Variants in TMEM132D observed in about 807,000 individuals in gnomAD.
The protein encoded by TMEM132D is transmembrane protein 132D.
A neutral mutation model predicts 62.3 loss-of-function variants in TMEM132D; 21 were observed. The observed-to-expected ratio is 0.34, with a 90% CI of 0.24 to 0.49. The LOEUF is 0.49. Among genes scored for constraint, TMEM132D ranks in the 20% least tolerant of loss-of-function variants. The pLI is 0.99. For synonymous variants in TMEM132D, 621 were observed against 575.6 expected (o/e 1.08, Z -1.13); for missense variants, 1,346 against 1,402.8 (o/e 0.96, Z 0.65).
At chr12:129,328,096 G>A (rs1868977360) in intron 4 of TMEM132D, among the ~76,000 whole-genome samples, 1 of 152,180 alleles carries the variant, frequency 6.6e-6, no homozygotes, top group Non-Finnish European at 1.5e-5. Context: ...GGCCCTTCCT[G>A]GAGCAATGTC....
At chr12:129,607,423 A>G (rs906029336) in intron 2 of TMEM132D, among the ~76,000 whole-genome samples, 1 of 152,220 alleles carries the variant, frequency 6.6e-6, no homozygotes, top group East Asian at 1.9e-4. Flanking sequence ...TCCCACGGTC[A>G]GGGCTGACCA....
intron 4 of TMEM132D, among the ~76,000 whole-genome samples, chr12:129,241,431 CTT>C (rs1879934883): frequency 6.6e-6 from 1 of 152,162 alleles, no homozygotes; most frequent in South Asian, 2.1e-4. Flanking sequence ...TCTTTGCTCT[CTT>C]CTTTGGCCCC....
chr12:129,509,486 T>C (rs1215255928), intron 3 of TMEM132D, among the ~76,000 whole-genome samples: 2 of 152,280 alleles, frequency 1.3e-5, no homozygotes, highest in African/African-American at 2.4e-5. Flanking sequence ...AATCCAATTA[T>C]ATTCTTTTAG....
chr12:129,548,246 A>T (rs1009640574), intron 2 of TMEM132D, among the ~76,000 whole-genome samples: 16 of 152,064 alleles, frequency 1.1e-4, no homozygotes, highest in African/African-American at 3.9e-4. Flanking sequence ...GGCAGGGGAG[A>T]CACCTCCTTC....
chr12:129,870,858 G>T (rs899945934), intron 1 of TMEM132D, among the ~76,000 whole-genome samples: 2 of 152,080 alleles, frequency 1.3e-5, no homozygotes, highest in Non-Finnish European at 2.9e-5. Flanking sequence ...TGGAGTGAAG[G>T]AAGTCTTGTT....
At chr12:129,843,161 C>T (rs889573577) in intron 1 of TMEM132D, among the ~76,000 whole-genome samples, 2 of 152,034 alleles carry the variant, frequency 1.3e-5, no homozygotes, top group Non-Finnish European at 2.9e-5. Context: ...TTTCAATATA[C>T]TTGCCCATAG....
intron 1 of TMEM132D, among the ~76,000 whole-genome samples, chr12:129,766,363 T>C (rs543042562): frequency 8.5e-5 from 13 of 152,356 alleles, no homozygotes; most frequent in African/African-American, 2.4e-4. Flanking sequence ...CCTGTGTTCT[T>C]TGAAATTTTG....
intron 1 of TMEM132D, among the ~76,000 whole-genome samples, chr12:129,790,613 C>T (rs1329575276): frequency 2.0e-5 from 3 of 152,114 alleles, no homozygotes; most frequent in East Asian, 1.9e-4. Context: ...GGGGTTTTTA[C>T]GGCACAGGAT....
At chr12:129,584,852 G>A (rs984344027) in intron 2 of TMEM132D, among the ~76,000 whole-genome samples, 1 of 152,170 alleles carries the variant, frequency 6.6e-6, no homozygotes, top group African/African-American at 2.4e-5. Flanking sequence ...CTCCACATGT[G>A]TTCATATGCT....
At chr12:129,443,422 C>G (rs996238379) in intron 3 of TMEM132D, among the ~76,000 whole-genome samples, 1 of 152,164 alleles carries the variant, frequency 6.6e-6, no homozygotes, top group Non-Finnish European at 1.5e-5. Flanking sequence ...ACACTCTGAT[C>G]TGATGATAAA....
chr12:129,432,140 TG>T (rs1199122131), intron 3 of TMEM132D, among the ~76,000 whole-genome samples: 5 of 145,932 alleles, frequency 3.4e-5, no homozygotes, highest in Non-Finnish European at 7.5e-5. Flanking sequence ...GATGGATGGA[TG>T]GATGGATGGA....
chr12:129,438,741 C>T (rs914185871), intron 3 of TMEM132D, among the ~76,000 whole-genome samples: 5 of 152,144 alleles, frequency 3.3e-5, no homozygotes, highest in South Asian at 4.1e-4. Context: ...CTGCATATTA[C>T]GGCTTTTGTG....
intron 1 of TMEM132D, among the ~76,000 whole-genome samples, chr12:129,873,268 C>A (rs772335855): frequency 1.3e-5 from 2 of 151,962 alleles, no homozygotes; most frequent in Non-Finnish European, 2.9e-5. Context: ...GAAGAGGGGG[C>A]CTCCGAACAG....
intron 2 of TMEM132D, among the ~76,000 whole-genome samples, chr12:129,667,626 T>C (rs1211965737): frequency 6.6e-6 from 1 of 152,148 alleles, no homozygotes; most frequent in Non-Finnish European, 1.5e-5. Context: ...ATAAATTATG[T>C]CTCTTTCTAA....
At chr12:129,310,455 C>T (rs950666561) in intron 4 of TMEM132D, among the ~76,000 whole-genome samples, 12 of 152,142 alleles carry the variant, frequency 7.9e-5, no homozygotes, top group Non-Finnish European at 2.9e-5. Flanking sequence ...AGGCCCAGCC[C>T]AAGGGGACCT....
intron 3 of TMEM132D, among the ~76,000 whole-genome samples, chr12:129,440,901 C>A (rs1273030489): frequency 6.6e-6 from 1 of 152,174 alleles, no homozygotes; most frequent in African/African-American, 2.4e-5. Context: ...TAAAAATAAC[C>A]ATGGAAACAT....
At chr12:129,091,570 G>A (rs1874918688) in intron 5 of TMEM132D, among the ~76,000 whole-genome samples, 1 of 151,486 alleles carries the variant, frequency 6.6e-6, no homozygotes, top group Non-Finnish European at 1.5e-5. Flanking sequence ...CAGCTCTGGA[G>A]AGCTTACCTA....
intron 1 of TMEM132D, among the ~76,000 whole-genome samples, chr12:129,741,485 G>A (rs1381318007): frequency 6.6e-6 from 1 of 152,130 alleles, no homozygotes; most frequent in Non-Finnish European, 1.5e-5. Context: ...GGAGTAGCAG[G>A]AAAATAACAG....
At chr12:129,637,789 C>T (rs1450656987) in intron 2 of TMEM132D, among the ~76,000 whole-genome samples, 1 of 152,090 alleles carries the variant, frequency 6.6e-6, no homozygotes, top group Non-Finnish European at 1.5e-5. Context: ...GGAGCAGGGT[C>T]TTACATGGCA....
Sources: allele counts gnomAD v4.1 joint callset (sites outside exome capture counted in the v4.1 genomes callset), GRCh38; gene constraint gnomAD v4.1.1; transcripts MANE v1.5; gene names NCBI Gene and HGNC (gene_info 2026-07-23, HGNC 2026-07-21).